TJP1: variants seen among roughly 807,000 people sequenced by gnomAD.
TJP1 encodes the protein tight junction protein ZO-1.
A neutral mutation model predicts 194.2 loss-of-function variants in TJP1; 43 were observed. The ratio of observed to expected loss-of-function variants is 0.22; its 90% confidence interval spans 0.17 to 0.29. The LOEUF (loss-of-function observed/expected upper bound fraction) is 0.29, where lower values mean the gene tolerates loss of function less well. TJP1 is among the 10% of genes least tolerant of loss of function. TJP1 has a pLI of 1.00. For synonymous variants in TJP1, 801 were observed against 779.0 expected, an observed-to-expected ratio of 1.03 and a Z score of -0.47; for missense variants, 1,971 against 2,185.7, an observed-to-expected ratio of 0.90 and a Z score of 1.96.
chr15:29,746,430 C>T (rs1047180342), intron 8 of TJP1, among the ~76,000 whole-genome samples: 1 of 151,454 alleles, frequency 6.6e-6, no homozygotes, highest in Admixed American at 6.6e-5. Flanking sequence ...AAATAAGACA[C>T]ACAGATTACA....
intron 2 of TJP1, among the ~76,000 whole-genome samples, chr15:29,904,805 C>A (rs531986858): frequency 2.6e-4 from 40 of 152,122 alleles, no homozygotes; most frequent in African/African-American, 8.9e-4. Flanking sequence ...TACAGTAGAC[C>A]CTAAGCACAA....
chr15:29,832,990 C>G (rs964409665), intron 2 of TJP1, among the ~76,000 whole-genome samples: 1 of 152,180 alleles, frequency 6.6e-6, no homozygotes, highest in African/African-American at 2.4e-5. Context: ...CACACATCAA[C>G]TTGGCTGGCA....
Position 29,907,852 on chromosome 15 carries a change from G to A in TJP1, c.306+48380C>T, listed in dbSNP as rs2053868627. ...TCCCTATGCAGAGATGTTGAACACCGCCTAATTCCTTTGCTTGCATAACAA... is the reference window on the plus strand; with the variant it reads ...TCCCTATGCAGAGATGTTGAACACCACCTAATTCCTTTGCTTGCATAACAA... On this transcript the variant is annotated intron_variant, in intron 2 of 28. Transcript: ENST00000356107. 1.3e-5 allele frequency among the ~76,000 whole-genome samples: 2 copies of A among 151,576 alleles called. 1 individual carries two copies. The highest frequency in any genetic ancestry group is 4.2e-4 in the South Asian group (2 of 4,772).
chr15:29,932,610 G>A (rs982046939), intron 2 of TJP1, among the ~76,000 whole-genome samples: 2 of 151,960 alleles, frequency 1.3e-5, no homozygotes, highest in African/African-American at 4.8e-5. Flanking sequence ...AACCATAAAA[G>A]ACTGATAAAA....
intron 2 of TJP1, among the ~76,000 whole-genome samples, chr15:29,923,104 AG>A (rs1426181627): frequency 2.0e-5 from 3 of 152,194 alleles, no homozygotes; most frequent in South Asian, 2.1e-4. Flanking sequence ...GGGAAGGCAG[AG>A]TGGCACTCTG....
chr15:29,858,069 T>G (rs1352278392), intron 2 of TJP1, among the ~76,000 whole-genome samples: 4 of 152,160 alleles, frequency 2.6e-5, no homozygotes, highest in Non-Finnish European at 5.9e-5. Flanking sequence ...AGCCTAAAGA[T>G]GACCCCATTT....
In TJP1 at chr15:29,718,473, G is replaced by C; in HGVS notation, c.3669C>G (p.Val1223=). 6.2e-7 allele frequency: 1 copy of C among 1,614,166 alleles called. No homozygotes were observed. The change falls in exon 21 of 28, where the codon GTC becomes GTG. Residue 1223 remains valine, a synonymous_variant. Coordinates refer to ENST00000614355, the MANE Select transcript of TJP1 (RefSeq NM_001330239.4). Reference sequence around the variant, plus strand: ...GCTGAGATGAAGGTATCAGCGGAGGGACAGCTGCAGCACCATGGAGAGGCT... The same window carrying C: ...GCTGAGATGAAGGTATCAGCGGAGGCACAGCTGCAGCACCATGGAGAGGCT... ...HFEPLHGAAA[V]PPLIPSSQHK...
intron 16 of TJP1, among the ~76,000 whole-genome samples, 188 bp downstream of exon 16, chr15:29,727,749 T>A (rs2043332427): frequency 6.6e-6 from 1 of 152,232 alleles, no homozygotes. Flanking sequence ...AAAAATCATC[T>A]TCTGATGCCT....
chr15:29,784,692 T>C (rs2047586672), intron 2 of TJP1, among the ~76,000 whole-genome samples: 1 of 152,156 alleles, frequency 6.6e-6, no homozygotes, highest in Non-Finnish European at 1.5e-5. Context: ...AAATATTGTC[T>C]TTATGATCTC....
chr15:29,956,270 T>C, exon 2 of TJP1: 1 of 1,288,948 alleles, frequency 7.8e-7, no homozygotes, highest in South Asian at 1.2e-5. Context: ...AGGCTTTTGC[T>C]TCTGTGTAAT....
chr15:29,785,989 T>A (rs1275193512), intron 2 of TJP1, among the ~76,000 whole-genome samples: 1 of 152,234 alleles, frequency 6.6e-6, no homozygotes, highest in Non-Finnish European at 1.5e-5. Flanking sequence ...AACTTTAATA[T>A]ACTTTGATTC....
intron 2 of TJP1, among the ~76,000 whole-genome samples, chr15:29,946,034 A>G (rs1464434640): frequency 6.6e-6 from 1 of 152,178 alleles, no homozygotes; most frequent in Non-Finnish European, 1.5e-5. Flanking sequence ...CAACAAAAGT[A>G]TAAACTAAAC....
chr15:29,943,818 C>G (rs942860216), intron 2 of TJP1, among the ~76,000 whole-genome samples: 3 of 146,522 alleles, frequency 2.0e-5, no homozygotes, highest in Non-Finnish European at 4.5e-5. Context: ...TATGGTGGCG[C>G]GCGCCTGTAG....
chr15:29,863,898 A>C (rs1007617238), intron 2 of TJP1, among the ~76,000 whole-genome samples: 1 of 150,156 alleles, frequency 6.7e-6, no homozygotes, highest in African/African-American at 2.5e-5. Flanking sequence ...ATAGTCTTTT[A>C]AAATGTCTTG....
chr15:29,839,801 A>G (rs1384993553), intron 2 of TJP1, among the ~76,000 whole-genome samples: 1 of 152,212 alleles, frequency 6.6e-6, no homozygotes, highest in Non-Finnish European at 1.5e-5. Context: ...ATTCATTTTT[A>G]GTTTTGAAAG....
At chr15:29,930,428 T>C (rs2054669424) in intron 2 of TJP1, among the ~76,000 whole-genome samples, 1 of 152,170 alleles carries the variant, frequency 6.6e-6, no homozygotes, top group African/African-American at 2.4e-5. Flanking sequence ...TAGAAAATAC[T>C]TTAGTATGAT....
At chr15:29,827,259 C>T (rs537236858), upstream of TJP1, among the ~76,000 whole-genome samples, 3 of 152,280 alleles carry the variant, frequency 2.0e-5, no homozygotes, top group South Asian at 6.2e-4. Flanking sequence ...GCAATAGGCC[C>T]GTGGCTCAAA....
chr15:29,791,544 G>A (rs1053691145), intron 2 of TJP1, among the ~76,000 whole-genome samples: 6 of 144,944 alleles, frequency 4.1e-5, no homozygotes, highest in South Asian at 2.2e-4. Flanking sequence ...CCTCAGCCTC[G>A]CGAGTAGCTG....
intron 2 of TJP1, among the ~76,000 whole-genome samples, chr15:29,857,824 T>C (rs1478474859): frequency 1.3e-5 from 2 of 152,106 alleles, no homozygotes; most frequent in Middle Eastern, 3.2e-3. Context: ...TGCAATGGTG[T>C]GGTCTCAGCT....
Sources: gnomAD v4.1 joint callset for allele counts (sites outside exome capture counted in the v4.1 genomes callset) on GRCh38, gnomAD v4.1.1 for gene constraint, MANE v1.5 for transcripts, NCBI Gene and HGNC (gene_info 2026-07-23, HGNC 2026-07-21) for gene names.